The following SPTBN1 variants were observed in gnomAD, a reference collection of about 807,000 sequenced individuals.
SPTBN1 encodes spectrin beta, non-erythrocytic 1, also known as spectrin beta chain, non-erythrocytic 1.
Under a neutral mutation model 266.4 loss-of-function variants are expected in SPTBN1, and 32 were observed. The observed-to-expected ratio is 0.12, with a 90% CI of 0.09 to 0.16. SPTBN1 has a LOEUF of 0.16. Ranked by LOEUF, SPTBN1 falls within the 10% of genes least tolerant of loss-of-function variation. SPTBN1 has a pLI of 1.00. For synonymous variants in SPTBN1, 1,336 were observed against 1,162.2 expected (o/e 1.15, Z -3.04); for missense variants, 2,296 against 3,067.1 (o/e 0.75, Z 5.94).
intron 15 of SPTBN1, among the ~76,000 whole-genome samples, chr2:54,630,447 G>A (rs1303256624): frequency 1.3e-5 from 2 of 152,198 alleles, no homozygotes; most frequent in Non-Finnish European, 1.5e-5. Context: ...TCTTTCTGTT[G>A]AGTAAACATG....
At chr2:54,467,527 T>A (rs1358213687) in intron 1 of SPTBN1, among the ~76,000 whole-genome samples, 1 of 152,116 alleles carries the variant, frequency 6.6e-6, no homozygotes, top group South Asian at 2.1e-4. Flanking sequence ...CCCGAGTAGC[T>A]GGCGCCTGCC....
In SPTBN1 at chr2:54,526,484, C is replaced by A. The variant is rs1415394254; in HGVS notation, c.66C>A (p.Asn22Lys). 2.5e-6 allele frequency: 4 copies of A among 1,614,118 alleles called. No homozygotes were observed. Among genetic ancestry groups the A allele is most frequent in the Non-Finnish European group, 3.4e-6 (4 of 1,180,046 alleles). The part of the protein sequence containing the change: ...IEIQQQYSDV[N>K]NRWDVDDWDN... ...TCCAGCAGCAGTACAGTGATGTCAA[C>A]AACCGCTGGGATGTCGACGACTGGG... The change falls in exon 2 of 36, where the codon AAC (asparagine) becomes AAA (lysine). Residue 22 changes from asparagine to lysine, a missense_variant. Asn to Lys is a moderately conservative substitution (Grantham distance 94). Transcript: ENST00000356805.
intron 29 of SPTBN1, among the ~76,000 whole-genome samples, 193 bp downstream of exon 29, chr2:54,656,191 C>T (rs146157823): frequency 6.6e-6 from 1 of 152,148 alleles, no homozygotes; most frequent in African/African-American, 2.4e-5. Context: ...TCATTTTTCA[C>T]CTCTTGATTG....
intron 2 of SPTBN1, among the ~76,000 whole-genome samples, chr2:54,563,931 G>T (rs1287037374): frequency 6.6e-6 from 1 of 152,100 alleles, no homozygotes; most frequent in African/African-American, 2.4e-5. Flanking sequence ...TAGATCGTTG[G>T]ATTATTATCC....
chr2:54,483,658 C>T (rs1299678740), intron 1 of SPTBN1, among the ~76,000 whole-genome samples: 1 of 152,144 alleles, frequency 6.6e-6, no homozygotes, highest in Non-Finnish European at 1.5e-5. Flanking sequence ...GCCAAGTGTT[C>T]CTGGGCACAG....
chr2:54,621,833 C>T (rs971202170), intron 8 of SPTBN1, among the ~76,000 whole-genome samples: 3 of 152,148 alleles, frequency 2.0e-5, no homozygotes, highest in African/African-American at 7.2e-5. Context: ...GTTGAAAAGG[C>T]CCCAGCATCG....
Position 54,657,743 on chromosome 2 carries a change from G to T in SPTBN1, c.6047-107G>T, listed in dbSNP as rs566473332. Reference sequence around the variant, plus strand: ...CTAATTTAGAGTAGACGATAGACTGGTTATGCAGGTAGCCATCACCAGAGG... The same window carrying T: ...CTAATTTAGAGTAGACGATAGACTGTTTATGCAGGTAGCCATCACCAGAGG... On this transcript the variant is annotated intron_variant, in intron 29 of 35. Transcript: ENST00000356805. The T allele has an allele frequency of 1.9e-5, 26 of 1,333,820 alleles. No homozygotes were observed. The Admixed American group carries it at 4.8e-4, about 25-fold the overall frequency. 82.6% of individuals were successfully genotyped at this position (1,333,820 alleles called of 1,614,324 possible).
intron 1 of SPTBN1, among the ~76,000 whole-genome samples, chr2:54,471,450 C>T (rs57509304): frequency 6.6e-6 from 1 of 150,806 alleles, no homozygotes; most frequent in Non-Finnish European, 1.5e-5. Context: ...TTGGACTAAG[C>T]TCCATTCACT....
At chr2:54,587,629 A>G (rs924177660) in intron 2 of SPTBN1, among the ~76,000 whole-genome samples, 2 of 152,122 alleles carry the variant, frequency 1.3e-5, no homozygotes, top group Middle Eastern at 3.2e-3. Context: ...GTGTCCATCA[A>G]AATAAGAGCT....
chr2:54,467,806 T>G (rs1342955125), intron 1 of SPTBN1, among the ~76,000 whole-genome samples: 1 of 152,198 alleles, frequency 6.6e-6, no homozygotes, highest in East Asian at 1.9e-4. Context: ...TATATGTGGT[T>G]TTTTGAATGG....
chr2:54,647,319 CT>C, intron 24 of SPTBN1, 58 bp downstream of exon 24: 1 of 1,580,570 alleles, frequency 6.3e-7, no homozygotes, highest in Non-Finnish European at 8.6e-7. Flanking sequence ...GTTAGGGTCT[CT>C]TGCTAACCCC....
chr2:54,660,236 C>A, intron 32 of SPTBN1: 5 of 1,388,762 alleles, frequency 3.6e-6, no homozygotes, highest in Non-Finnish European at 3.7e-6. Flanking sequence ...ATGTTTGAGT[C>A]TCTTAACTGA....
Position 54,645,172 on chromosome 2 carries a change from C to A in SPTBN1, c.4270-57C>A. The stretch of plus-strand genomic sequence containing the variant: ...CCAGGCCCAGCAGTTCTGCTTAGAG[C>A]CAGTCACTGCAAAAGATAGTCTGTG... On this transcript the variant is annotated intron_variant, in intron 20 of 35. Coordinates refer to ENST00000356805, the MANE Select transcript of SPTBN1 (RefSeq NM_003128.3). This position sits in a 1 kb window ranked among gnomAD's most constrained non-coding sequence, Gnocchi z 4.3. 1 of 1,580,468 alleles carries A rather than the reference C, an allele frequency of 6.3e-7. No individual in the cohort carries two copies. The highest frequency in any genetic ancestry group is 8.7e-7 in the Non-Finnish European group (1 of 1,152,100).
chr2:54,649,242 G>C lies in SPTBN1; in HGVS notation c.5202+52G>C, dbSNP rs1558468683. On this transcript the variant is annotated intron_variant, in intron 25 of 35. Coordinates refer to ENST00000356805, the MANE Select transcript of SPTBN1 (RefSeq NM_003128.3). This position sits in a 1 kb window ranked among gnomAD's most constrained non-coding sequence, Gnocchi z 6.7. ...TGGTTGTGCAGTAAGCGATGGTGTG[G>C]AAGGCCATTTGCATTCCTTGTCTGT... The C allele has an allele frequency of 1.1e-5, 17 of 1,535,922 alleles. No homozygotes were observed. In the Middle Eastern group the frequency reaches 9.7e-4, roughly 88 times the overall value.
intron 2 of SPTBN1, among the ~76,000 whole-genome samples, chr2:54,557,541 T>G (rs1056082690): frequency 6.6e-5 from 10 of 152,126 alleles, no homozygotes; most frequent in African/African-American, 2.4e-4. Flanking sequence ...ATTTAAAATT[T>G]TGGAGAACCA....
chr2:54,583,119 C>G (rs1228730131), intron 2 of SPTBN1, among the ~76,000 whole-genome samples: 1 of 151,996 alleles, frequency 6.6e-6, no homozygotes. Flanking sequence ...CCCCATTTGC[C>G]TCTGATCTTA....
intron 2 of SPTBN1, chr2:54,529,343 A>T (rs757799043): frequency 1.7e-6 from 1 of 586,314 alleles, no homozygotes; most frequent in Non-Finnish European, 3.1e-6. Context: ...CCCTTTTCAG[A>T]AGATGGCACC....
At chr2:54,658,420 C>G (rs1680819816) in intron 30 of SPTBN1, among the ~76,000 whole-genome samples, 1 of 152,174 alleles carries the variant, frequency 6.6e-6, no homozygotes, top group Admixed American at 6.5e-5. Flanking sequence ...GAATTCCCAT[C>G]AAATGGAAGC....
chr2:54,563,765 G>A (rs112596944), intron 2 of SPTBN1, among the ~76,000 whole-genome samples: 1 of 151,580 alleles, frequency 6.6e-6, no homozygotes, highest in Non-Finnish European at 1.5e-5. Context: ...CACCACGCCC[G>A]GCTAATTTTT....
Sources: gnomAD v4.1 joint callset for allele counts (sites outside exome capture counted in the v4.1 genomes callset) on GRCh38, gnomAD v4.1.1 for gene constraint, Gnocchi (gnomAD v3.1) non-coding constraint, MANE v1.5 for transcripts, NCBI Gene and HGNC (gene_info 2026-07-23, HGNC 2026-07-21) for gene names.